The following NFKB1 variants were observed in gnomAD, a reference collection of about 807,000 sequenced individuals.
NFKB1 encodes the protein nuclear factor NF-kappa-B p105 subunit.
In NFKB1, 9 loss-of-function variants were observed where a neutral mutation model predicts 105.1. The observed-to-expected ratio is 0.09, with a 90% CI of 0.05 to 0.15. The LOEUF is 0.15. Among genes scored for constraint, NFKB1 ranks in the 10% least tolerant of loss-of-function variants. The pLI, the probability that NFKB1 is intolerant of heterozygous loss-of-function variation, is 1.00. For synonymous variants in NFKB1, 440 were observed against 442.2 expected (o/e 1.00, Z 0.06); for missense variants, 830 against 1,203.7 (o/e 0.69, Z 4.59).
At chr4:102,572,638 A>G (rs2149176003) in intron 6 of NFKB1, among the ~76,000 whole-genome samples, 1 of 152,288 alleles carries the variant, frequency 6.6e-6, no homozygotes, top group Admixed American at 6.5e-5. Flanking sequence ...ACTTTTTAAT[A>G]AAAGCCATTC....
At chr4:102,527,297 A>G (rs1292866066) in intron 2 of NFKB1, among the ~76,000 whole-genome samples, 1 of 152,206 alleles carries the variant, frequency 6.6e-6, no homozygotes, top group Non-Finnish European at 1.5e-5. Context: ...GAGGAAGAGC[A>G]GAGTTACGGA....
At chr4:102,585,769 T>A (rs1725661069) in intron 11 of NFKB1, among the ~76,000 whole-genome samples, 1 of 152,196 alleles carries the variant, frequency 6.6e-6, no homozygotes, top group African/African-American at 2.4e-5. Context: ...CAAGGAGATA[T>A]CATTTGGCCC....
intron 15 of NFKB1, among the ~76,000 whole-genome samples, chr4:102,599,944 CA>C (rs1346695099): frequency 6.6e-6 from 1 of 152,152 alleles, no homozygotes; most frequent in African/African-American, 2.4e-5. Context: ...GTGACTTTGA[CA>C]CCACCAGTAT....
chr4:102,600,745 T>G (rs1727078528), intron 15 of NFKB1, 150 bp from the exon 16 acceptor site: 3 of 629,188 alleles, frequency 4.8e-6, no homozygotes, highest in Non-Finnish European at 8.5e-6. Flanking sequence ...CCACCTCAGA[T>G]TCAATGCATT....
chr4:102,544,396 G>A (rs1394275930), intron 5 of NFKB1, among the ~76,000 whole-genome samples: 1 of 152,158 alleles, frequency 6.6e-6, no homozygotes, highest in African/African-American at 2.4e-5. Context: ...AGATGAAACT[G>A]AATTGATGGC....
At chr4:102,505,754 AAAAT>A (rs1348089617) in intron 1 of NFKB1, among the ~76,000 whole-genome samples, 6 of 152,208 alleles carry the variant, frequency 3.9e-5, no homozygotes, top group African/African-American at 1.4e-4. Context: ...AGTTTAACTA[AAAAT>A]AAATAATATC....
chr4:102,546,349 G>A (rs1013345022), intron 5 of NFKB1, among the ~76,000 whole-genome samples: 1 of 151,938 alleles, frequency 6.6e-6, no homozygotes, highest in East Asian at 1.9e-4. Flanking sequence ...TTTCTCAGGA[G>A]CTCTATGGGA....
rs574078754 is a variant in NFKB1, at chr4:102,509,522, A to C, written c.-8+7734A>C. ...AGTATCTGTTGAACTGTAGGAGTCC[A>C]GTCATTCAAGGCAAGCTACAGAAAT... On this transcript the variant is annotated intron_variant, in intron 1 of 23. Coordinates refer to ENST00000226574, the MANE Select transcript of NFKB1 (RefSeq NM_003998.4). Among the ~76,000 whole-genome samples, 10 of 152,350 alleles carry C rather than the reference A, an allele frequency of 6.6e-5. No individual in the cohort carries two copies. In the East Asian group the frequency reaches 1.9e-3, roughly 29 times the overall value.
chr4:102,504,350 T>C (rs780437498), intron 1 of NFKB1, among the ~76,000 whole-genome samples: 7 of 152,198 alleles, frequency 4.6e-5, no homozygotes, highest in African/African-American at 7.2e-5. Flanking sequence ...GGTCCACAGA[T>C]TGATCAGAAA....
At chr4:102,586,960 C>G (rs959012980) in intron 11 of NFKB1, among the ~76,000 whole-genome samples, 3 of 152,232 alleles carry the variant, frequency 2.0e-5, no homozygotes, top group African/African-American at 7.2e-5. Context: ...TCTACAAGTT[C>G]TTGTTTCTTT....
At chr4:102,564,565 T>C (rs960625519) in intron 5 of NFKB1, among the ~76,000 whole-genome samples, 1 of 152,256 alleles carries the variant, frequency 6.6e-6, no homozygotes, top group African/African-American at 2.4e-5. Context: ...ACTGGCAGCA[T>C]GTTCAGCTCC....
intron 6 of NFKB1, among the ~76,000 whole-genome samples, chr4:102,569,518 C>G (rs1345623757): frequency 6.6e-6 from 1 of 151,952 alleles, no homozygotes; most frequent in Non-Finnish European, 1.5e-5. Context: ...GGAAGATAGC[C>G]AAAATTATGT....
chr4:102,515,477 G>A (rs977116080), intron 1 of NFKB1, among the ~76,000 whole-genome samples: 3 of 152,002 alleles, frequency 2.0e-5, no homozygotes, highest in African/African-American at 7.3e-5. Context: ...ATCTATTTGT[G>A]CTATCTCTTC....
intron 1 of NFKB1, among the ~76,000 whole-genome samples, chr4:102,512,980 A>T (rs3774936): frequency 0.27 from 40,785 of 152,180 alleles, 6,769 homozygotes; most frequent in Admixed American, 0.41. Context: ...ACAAAAGAAT[A>T]CTAATCTCTA....
chr4:102,609,396 G>A (rs1728172955), intron 19 of NFKB1, among the ~76,000 whole-genome samples: 1 of 151,948 alleles, frequency 6.6e-6, no homozygotes, highest in African/African-American at 2.4e-5. Context: ...TGGATCACCT[G>A]AGACTGGCAG....
intron 17 of NFKB1, 37 bp downstream of exon 17, chr4:102,606,734 C>A: frequency 1.3e-6 from 2 of 1,582,176 alleles, no homozygotes; most frequent in East Asian, 2.3e-5. Flanking sequence ...GTAACTTTCT[C>A]CACCTTCTAA....
chr4:102,554,054 G>C (rs1015009286), intron 5 of NFKB1, among the ~76,000 whole-genome samples: 6 of 152,080 alleles, frequency 3.9e-5, no homozygotes, highest in African/African-American at 1.4e-4. Context: ...GTGATCTTTG[G>C]ATGTTGTCTT....
chr4:102,583,681 T>C lies in NFKB1; in HGVS notation c.927+724T>C, dbSNP rs570446738. Among the ~76,000 whole-genome samples the C allele has an allele frequency of 2.6e-5, 4 of 152,170 alleles. No homozygotes were observed. The South Asian group carries it at 8.3e-4, about 32-fold the overall frequency. On this transcript the variant is annotated intron_variant, in intron 10 of 23. Coordinates refer to ENST00000226574, the MANE Select transcript of NFKB1 (RefSeq NM_003998.4). ...ATCCTGTTAAATGAAGATTTCCCAA[T>C]GGCAACTGATTAAATGATCAGTTTA...
intron 1 of NFKB1, among the ~76,000 whole-genome samples, chr4:102,519,402 T>C (rs1740421976): frequency 6.7e-6 from 1 of 148,428 alleles, no homozygotes; most frequent in Non-Finnish European, 1.5e-5. Context: ...ATTATAAGTA[T>C]ATATACTTTT....
Sources: allele counts gnomAD v4.1 joint callset (sites outside exome capture counted in the v4.1 genomes callset), GRCh38; gene constraint gnomAD v4.1.1; transcripts MANE v1.5; gene names NCBI Gene and HGNC (gene_info 2026-07-23, HGNC 2026-07-21).